Variants in SOX6 observed in about 807,000 individuals in gnomAD.
SOX6 encodes the protein SRY-box transcription factor 6.
SOX6 carries 11 observed loss-of-function variants against 97.8 expected under a neutral mutation model. The ratio of observed to expected loss-of-function variants is 0.11; its 90% CI spans 0.07 to 0.19. The LOEUF is 0.19. SOX6 is among the 10% of genes least tolerant of loss of function. SOX6 has a pLI of 1.00. For missense variants in SOX6, 810 were observed against 1,039.5 expected (o/e 0.78, Z 3.04); for synonymous variants, 360 against 371.4 (o/e 0.97, Z 0.35).
At chr11:16,317,929 A>G (rs997434308) in intron 3 of SOX6, 1 of 450,764 alleles carries the variant, frequency 2.2e-6, no homozygotes, top group Non-Finnish European at 4.5e-6. Flanking sequence ...ATGTTGCAAG[A>G]GATGTCATGT....
chr11:16,725,382 G>A (rs970140228), intron 2 of SOX6, among the ~76,000 whole-genome samples: 1 of 152,100 alleles, frequency 6.6e-6, no homozygotes, highest in Non-Finnish European at 1.5e-5. Context: ...AAAATTAGCT[G>A]GGTGTGGTGG....
chr11:16,088,219 A>G (rs1188134174), intron 9 of SOX6, among the ~76,000 whole-genome samples: 1 of 152,128 alleles, frequency 6.6e-6, no homozygotes, highest in Non-Finnish European at 1.5e-5. Flanking sequence ...CCATACATGT[A>G]CAGTCTCCCC....
chr11:16,139,951 T>TTATATATATATATA (rs149983908), intron 6 of SOX6, among the ~76,000 whole-genome samples: 3 of 124,712 alleles, frequency 2.4e-5, no homozygotes, highest in African/African-American at 1.0e-4. Context: ...GGCTCATATA[T>TTATATATATATATA]TATATATATA....
intron 12 of SOX6, among the ~76,000 whole-genome samples, chr11:16,024,691 G>C (rs528650222): frequency 2.0e-5 from 3 of 151,996 alleles, no homozygotes; most frequent in East Asian, 3.9e-4. Flanking sequence ...TAAGCATTTC[G>C]AGGGAGGGAA....
chr11:16,147,136 A>C lies in SOX6; in HGVS notation c.778-35213T>G, dbSNP rs535254810. Among the ~76,000 whole-genome samples the C allele has an allele frequency of 3.3e-5, 5 of 152,244 alleles. No homozygotes were observed. In the South Asian group the frequency reaches 1.0e-3, roughly 32 times the overall value. On this transcript the variant is annotated intron_variant, in intron 6 of 15. Transcript: ENST00000683767. ...CAACAATCATAGACTGGATTAAGAA[A>C]ATGTGGCACATATACAGCATGGAAT...
intron 4 of SOX6, among the ~76,000 whole-genome samples, chr11:16,493,921 C>T (rs896348101): frequency 1.3e-5 from 2 of 152,028 alleles, no homozygotes; most frequent in South Asian, 2.1e-4. Context: ...ATTTTTCCTA[C>T]GTAGACATTT....
At chr11:16,520,189 C>T (rs982815265) in intron 4 of SOX6, among the ~76,000 whole-genome samples, 2 of 152,152 alleles carry the variant, frequency 1.3e-5, no homozygotes, top group Non-Finnish European at 2.9e-5. Context: ...TGTATAGAAG[C>T]TCTTTAGTTT....
In SOX6 at chr11:16,607,255, C is replaced by T. The variant is rs1415511195; in HGVS notation, n.609+4826G>A. On this transcript the variant is annotated intron_variant and non_coding_transcript_variant, in intron 4 of 5. Coordinates refer to the SOX6 transcript ENST00000524520. This position sits in a 1 kb window ranked among gnomAD's most constrained non-coding sequence, Gnocchi z 6.5. ...GCCCTGGGCTCCTGCCCCCTGCCCC[C>T]TCCGGCGCCCCAACAGGTAGCTCAC... The T allele has an allele frequency of 1.3e-5, 2 of 153,008 alleles. No individual in the cohort carries two copies. Among genetic ancestry groups the T allele is most frequent in the Non-Finnish European group, 2.9e-5 (2 of 68,722 alleles). 9.5% of individuals were successfully genotyped at this position (153,008 alleles called of 1,614,324 possible).
chr11:16,514,041 C>T (rs759055898), intron 4 of SOX6, among the ~76,000 whole-genome samples: 2 of 151,772 alleles, frequency 1.3e-5, no homozygotes, highest in Non-Finnish European at 2.9e-5. Context: ...GTGAGACCTC[C>T]GTCTCTACAA....
chr11:16,055,606 A>G (rs1847794683), intron 10 of SOX6, 146 bp downstream of exon 10: 1 of 913,930 alleles, frequency 1.1e-6, no homozygotes, highest in African/African-American at 1.7e-5. Flanking sequence ...ATGCTCAATT[A>G]TGAAATTTAC....
chr11:16,654,872 T>C (rs965794100), intron 3 of SOX6, among the ~76,000 whole-genome samples: 3 of 152,166 alleles, frequency 2.0e-5, no homozygotes, highest in African/African-American at 7.2e-5. Context: ...ATGAGACAAA[T>C]ATTTGATCAC....
chr11:15,985,476 G>A (rs1232877517), intron 15 of SOX6, among the ~76,000 whole-genome samples: 2 of 152,158 alleles, frequency 1.3e-5, no homozygotes, highest in Admixed American at 6.5e-5. Flanking sequence ...TCTAGGTCTG[G>A]GTATGCTGGA....
intron 3 of SOX6, chr11:16,317,948 A>T (rs1435417587): frequency 2.2e-6 from 1 of 451,750 alleles, no homozygotes; most frequent in African/African-American, 2.0e-5. Context: ...GTATCAAAGA[A>T]GTCACTCATA....
chr11:16,376,964 T>C (rs887279673), intron 1 of SOX6, among the ~76,000 whole-genome samples: 4 of 151,554 alleles, frequency 2.6e-5, no homozygotes, highest in African/African-American at 7.3e-5. Flanking sequence ...AAGACGGGAA[T>C]ATTAAGGAGT....
intron 1 of SOX6, among the ~76,000 whole-genome samples, chr11:16,410,754 GTCTCC>G: frequency 9.2e-6 from 1 of 108,782 alleles, no homozygotes; most frequent in African/African-American, 4.1e-5. Flanking sequence ...GCAAGAACCG[GTCTCC>G]AAAAAAAAAA....
intron 12 of SOX6, among the ~76,000 whole-genome samples, chr11:16,017,758 C>G: frequency 6.6e-6 from 1 of 152,160 alleles, no homozygotes; most frequent in East Asian, 1.9e-4. Context: ...GAGCATGCCC[C>G]TATATGGAAC....
intron 9 of SOX6, among the ~76,000 whole-genome samples, chr11:16,077,783 A>G (rs1443450824): frequency 6.6e-6 from 1 of 152,204 alleles, no homozygotes; most frequent in Non-Finnish European, 1.5e-5. Context: ...AAAGAAGGGA[A>G]CAACAGACAC....
chr11:16,728,664 C>T (rs1485816289), intron 2 of SOX6, among the ~76,000 whole-genome samples: 2 of 152,176 alleles, frequency 1.3e-5, no homozygotes, highest in Non-Finnish European at 2.9e-5. Flanking sequence ...AAAACCAGAA[C>T]ACCTCTTCTC....
intron 3 of SOX6, among the ~76,000 whole-genome samples, chr11:16,287,303 C>CAA (rs1272200728): frequency 6.7e-6 from 1 of 149,502 alleles, no homozygotes; most frequent in Non-Finnish European, 1.5e-5. Context: ...CTCTCTCACA[C>CAA]ACACACACAC....
Sources: gnomAD v4.1 joint callset for allele counts (sites outside exome capture counted in the v4.1 genomes callset) on GRCh38, gnomAD v4.1.1 for gene constraint, Gnocchi (gnomAD v3.1) non-coding constraint, MANE v1.5 for transcripts, NCBI Gene and HGNC (gene_info 2026-07-23, HGNC 2026-07-21) for gene names.